Variants in MMP20 observed in about 807,000 individuals in gnomAD.
The protein encoded by MMP20 is matrix metalloproteinase-20.
A neutral mutation model predicts 51.8 loss-of-function variants in MMP20; 50 were observed. The observed-to-expected ratio is 0.97, with a 90% CI of 0.77 to 1.22. MMP20 has a LOEUF of 1.22. MMP20 is among the 50% of genes most tolerant of loss of function. The pLI is 0.00. For synonymous variants in MMP20, 244 were observed against 216.2 expected (o/e 1.13, Z -1.13); for missense variants, 663 against 601.4 (o/e 1.10, Z -1.07).
At chr11:102,579,633 T>C (rs898230507) in intron 8 of MMP20, among the ~76,000 whole-genome samples, 9 of 152,174 alleles carry the variant, frequency 5.9e-5, no homozygotes, top group Non-Finnish European at 1.0e-4. Flanking sequence ...TAAATCGGGC[T>C]CTTAAAATAC....
At chr11:102,611,987 A>T in intron 2 of MMP20, 84 bp from the exon 3 acceptor site, 1 of 1,319,738 alleles carries the variant, frequency 7.6e-7, no homozygotes, top group Non-Finnish European at 1.1e-6. Flanking sequence ...AAAAAATGTT[A>T]AATGTAAATC....
chr11:102,608,496 A>G (rs1051878825), intron 5 of MMP20, among the ~76,000 whole-genome samples: 3 of 152,212 alleles, frequency 2.0e-5, no homozygotes, highest in Non-Finnish European at 2.9e-5. Flanking sequence ...GTAAGACTAC[A>G]CACATGAACC....
intron 8 of MMP20, among the ~76,000 whole-genome samples, 180 bp from the exon 9 acceptor site, chr11:102,579,322 G>GT (rs541124730): frequency 6.2e-4 from 90 of 146,058 alleles, no homozygotes; most frequent in Non-Finnish European, 8.0e-4. Context: ...TTGTGTTTTT[G>GT]TTTTTTTTTT....
intron 6 of MMP20, 77 bp downstream of exon 6, chr11:102,606,458 C>A: frequency 1.0e-5 from 16 of 1,583,336 alleles, no homozygotes; most frequent in Non-Finnish European, 1.4e-5. Context: ...AAGGCAGCAA[C>A]AAGGACCTGT....
chr11:102,617,033 A>T lies in MMP20; in HGVS notation c.153T>A (p.Asn51Lys). 6.2e-7 allele frequency: 1 copy of T among 1,614,100 alleles called. No individual in the cohort carries two copies. The highest frequency in any genetic ancestry group is 8.5e-7 in the Non-Finnish European group (1 of 1,180,002). Residue 51 changes from asparagine to lysine, a missense_variant, in exon 2 of 10, where the codon AAT (asparagine) becomes AAA (lysine). Physicochemically the swap from Asn to Lys is moderately conservative, Grantham distance 94 (BLOSUM62 0). Transcript: ENST00000260228. ...TCTCACCAATCTGGTGTCCTTCTTT[A>T]TTTGTGTAATATTTGTCAAGATACG... ...AQAYLDKYYT[N>K]KEGHQIGEMV...
chr11:102,624,641 T>A (rs1344536843), intron 1 of MMP20, among the ~76,000 whole-genome samples: 1 of 152,114 alleles, frequency 6.6e-6, no homozygotes, highest in African/African-American at 2.4e-5. Flanking sequence ...TTTTACTTCA[T>A]TGGGGAATAT....
chr11:102,588,470 T>C (rs1286195573), intron 8 of MMP20, among the ~76,000 whole-genome samples: 2 of 152,190 alleles, frequency 1.3e-5, no homozygotes, highest in African/African-American at 4.8e-5. Context: ...CCATCTAGTG[T>C]CTTTTCTTTA....
chr11:102,579,136 G>T lies in MMP20; in HGVS notation c.1254C>A (p.Asp418Glu). ...FFVGDEYYSY[D>E]ERKRKMEKDY... Reference sequence around the variant, plus strand: ...CTTTTTCCATTTTCCTTTTCCTTTCGTCGTAGCTAGAAAAAGTATTATTTC... The same window carrying T: ...CTTTTTCCATTTTCCTTTTCCTTTCTTCGTAGCTAGAAAAAGTATTATTTC... Residue 418 changes from aspartate (D) to glutamate (E), a missense_variant, in exon 9 of 10, where the codon GAC becomes GAA. Coordinates refer to ENST00000260228, the MANE Select transcript of MMP20 (RefSeq NM_004771.4). The T allele has an allele frequency of 6.2e-7, 1 of 1,606,088 alleles. No individual in the cohort carries two copies. Among genetic ancestry groups the T allele is most frequent in the Non-Finnish European group, 8.5e-7 (1 of 1,173,248 alleles).
chr11:102,616,805 T>C lies in MMP20; in HGVS notation c.374+7A>G. On this transcript the variant is annotated splice_region_variant and intron_variant, in intron 2 of 9. Coordinates refer to ENST00000260228, the MANE Select transcript of MMP20 (RefSeq NM_004771.4). Reference sequence around the variant, plus strand: ...TCTCTGAATTTGGAAAGACTTGATCTCATTACCTGTATGTCAAAGTATTTT... The same window carrying C: ...TCTCTGAATTTGGAAAGACTTGATCCCATTACCTGTATGTCAAAGTATTTT... 6.2e-7 allele frequency: 1 copy of C among 1,614,148 alleles called. No homozygotes were observed. Among genetic ancestry groups the C allele is most frequent in the East Asian group, 2.2e-5 (1 of 44,892 alleles).
rs114687134 is a variant in MMP20 at position 102,614,553 on chromosome 11, C to T, written c.374+2259G>A. Among the ~76,000 whole-genome samples, 768 of 152,304 alleles carry T rather than the reference C, an allele frequency of 5.0e-3. 6 individuals carry two copies. The highest frequency in any genetic ancestry group is 0.018 in the African/African-American group (728 of 41,560). ...TAAGAAAACTATGAAAAGACTCTGT[C>T]GATGCGTACACATTTTTCTTGTCTT... is the stretch of plus-strand genomic sequence containing the variant. On this transcript the variant is annotated intron_variant, in intron 2 of 9. Transcript: ENST00000260228.
intron 6 of MMP20, among the ~76,000 whole-genome samples, chr11:102,599,938 T>C (rs748149684): frequency 3.9e-4 from 60 of 152,308 alleles, no homozygotes; most frequent in Middle Eastern, 3.4e-3. Context: ...TTTGTACCCA[T>C]CTGAAGAGCC....
chr11:102,592,876 T>A (rs1711442), intron 8 of MMP20, among the ~76,000 whole-genome samples: 77,228 of 152,008 alleles, frequency 0.51, 20,209 homozygotes, highest in South Asian at 0.67. Flanking sequence ...AGATGACATC[T>A]GATTCAGACT....
intron 9 of MMP20, among the ~76,000 whole-genome samples, chr11:102,578,384 A>C (rs1310441128): frequency 6.6e-6 from 1 of 152,024 alleles, no homozygotes; most frequent in Non-Finnish European, 1.5e-5. Flanking sequence ...TGATCCTACC[A>C]CCTCATCCTC....
chr11:102,588,845 G>T (rs1376963334), intron 8 of MMP20, among the ~76,000 whole-genome samples: 1 of 149,296 alleles, frequency 6.7e-6, no homozygotes, highest in African/African-American at 2.5e-5. Context: ...ATTTTTGAAA[G>T]ATAACTCTAG....
At chr11:102,586,114 T>C (rs1012711439) in intron 8 of MMP20, among the ~76,000 whole-genome samples, 6 of 152,232 alleles carry the variant, frequency 3.9e-5, no homozygotes, top group Middle Eastern at 3.2e-3. Context: ...CTGACTTCAG[T>C]GAGTTAGGTA....
intron 6 of MMP20, among the ~76,000 whole-genome samples, chr11:102,598,335 A>C (rs573816558): frequency 3.3e-5 from 5 of 152,354 alleles, no homozygotes; most frequent in Admixed American, 2.0e-4. Context: ...TTGGAATGAA[A>C]ATAAACAGAT....
intron 3 of MMP20, 102 bp downstream of exon 3, chr11:102,611,653 G>C (rs2135943393): frequency 7.0e-7 from 1 of 1,427,406 alleles, no homozygotes; most frequent in East Asian, 2.3e-5. Context: ...ACAGCACTGT[G>C]CGAAGGAGGA....
At chr11:102,596,747 G>C (rs1859385809) in intron 6 of MMP20, among the ~76,000 whole-genome samples, 3 of 152,198 alleles carry the variant, frequency 2.0e-5, no homozygotes, top group Admixed American at 2.0e-4. Flanking sequence ...TCACATGTCC[G>C]ATCTCACCTA....
At chr11:102,596,709 G>A (rs1859385128) in intron 6 of MMP20, among the ~76,000 whole-genome samples, 1 of 152,342 alleles carries the variant, frequency 6.6e-6, no homozygotes, top group African/African-American at 2.4e-5. Context: ...AGACGGCCCA[G>A]CTCAGGCTCT....
Sources: gnomAD v4.1 joint callset for allele counts (sites outside exome capture counted in the v4.1 genomes callset) on GRCh38, gnomAD v4.1.1 for gene constraint, MANE v1.5 for transcripts, NCBI Gene and HGNC (gene_info 2026-07-23, HGNC 2026-07-21) for gene names.